FOXP2: variants seen among roughly 807,000 people sequenced by gnomAD.
The protein encoded by FOXP2 is forkhead box P2, also known as forkhead box protein P2.
In FOXP2, 12 loss-of-function variants were observed where a neutral mutation model predicts 115.8. The observed-to-expected ratio is 0.10, with a 90% confidence interval of 0.07 to 0.17. FOXP2 has a LOEUF of 0.17. Among genes scored for constraint, FOXP2 ranks in the 10% least tolerant of loss-of-function variants. FOXP2 has a pLI of 1.00. For synonymous variants in FOXP2, 328 were observed against 297.7 expected (o/e 1.10, Z -1.05); for missense variants, 629 against 843.5 (o/e 0.75, Z 3.15).
At chr7:114,638,638 T>TCC (rs1805353149) in intron 6 of FOXP2, among the ~76,000 whole-genome samples, 1 of 152,100 alleles carries the variant, frequency 6.6e-6, no homozygotes, top group South Asian at 2.1e-4. Context: ...TTTAAAAATG[T>TCC]CCCCCCAAAA....
At chr7:114,403,342 A>ATTG (rs143812510) in intron 2 of FOXP2, among the ~76,000 whole-genome samples, 2,018 of 152,316 alleles carry the variant, frequency 0.013, 42 homozygotes, top group African/African-American at 0.046. Context: ...GTATGTCAGA[A>ATTG]TTGATATGAG....
chr7:114,586,670 C>A (rs1436783476), intron 3 of FOXP2, among the ~76,000 whole-genome samples: 3 of 151,898 alleles, frequency 2.0e-5, no homozygotes, highest in Non-Finnish European at 2.9e-5. Context: ...TAAGTTATTT[C>A]TGTTTCTTTA....
At chr7:114,380,650 C>T (rs1269628090) in intron 2 of FOXP2, among the ~76,000 whole-genome samples, 4 of 152,188 alleles carry the variant, frequency 2.6e-5, no homozygotes, top group East Asian at 1.9e-4. Flanking sequence ...AGCACTGGCC[C>T]TTCAAGTAAT....
intron 3 of FOXP2, among the ~76,000 whole-genome samples, chr7:114,579,265 G>A (rs2129300408): frequency 6.6e-6 from 1 of 152,268 alleles, no homozygotes; most frequent in East Asian, 1.9e-4. Flanking sequence ...AATGTATAAA[G>A]CCCAGGTTAG....
At chr7:114,147,317 C>T (rs550774037) in intron 1 of FOXP2, among the ~76,000 whole-genome samples, 20 of 152,168 alleles carry the variant, frequency 1.3e-4, no homozygotes, top group African/African-American at 4.6e-4. Context: ...ATTTGGCTGT[C>T]CCCAGAATTT....
At chr7:114,351,327 C>A (rs2129185844) in intron 2 of FOXP2, among the ~76,000 whole-genome samples, 1 of 152,068 alleles carries the variant, frequency 6.6e-6, no homozygotes, top group East Asian at 1.9e-4. Context: ...CATTGTTATA[C>A]CAACTGAAGA....
chr7:114,557,128 C>A (rs1295334180), intron 3 of FOXP2, among the ~76,000 whole-genome samples: 1 of 152,094 alleles, frequency 6.6e-6, no homozygotes, highest in East Asian at 1.9e-4. Flanking sequence ...TGGGCTCAAA[C>A]CCTGTTTTCA....
At chr7:114,219,080 G>T (rs540063542) in intron 1 of FOXP2, among the ~76,000 whole-genome samples, 1 of 152,010 alleles carries the variant, frequency 6.6e-6, no homozygotes, top group East Asian at 1.9e-4. Flanking sequence ...CCAAACAACT[G>T]AAGTCTCAAT....
intron 2 of FOXP2, among the ~76,000 whole-genome samples, chr7:114,344,577 T>C (rs1012879380): frequency 6.6e-6 from 1 of 151,852 alleles, no homozygotes; most frequent in African/African-American, 2.4e-5. Flanking sequence ...ACATAAAGAT[T>C]TTATGGATAA....
At chr7:114,497,076 A>G (rs1797354170) in intron 2 of FOXP2, among the ~76,000 whole-genome samples, 1 of 152,198 alleles carries the variant, frequency 6.6e-6, no homozygotes, top group South Asian at 2.1e-4. Flanking sequence ...TGGCTTACTC[A>G]GTCTATGAGT....
At chr7:114,617,715 C>T (rs1804026292) in intron 3 of FOXP2, among the ~76,000 whole-genome samples, 1 of 152,202 alleles carries the variant, frequency 6.6e-6, no homozygotes, top group African/African-American at 2.4e-5. Context: ...ATTGCTTGAA[C>T]CTGGGAGGTG....
intron 2 of FOXP2, among the ~76,000 whole-genome samples, chr7:114,442,925 TGTGA>T (rs1297719054): frequency 2.6e-5 from 4 of 152,172 alleles, no homozygotes; most frequent in African/African-American, 9.7e-5. Flanking sequence ...TGGCAATCTA[TGTGA>T]GTGAGTTAAA....
At chr7:114,458,334 T>G (rs535654275) in intron 2 of FOXP2, among the ~76,000 whole-genome samples, 1 of 152,150 alleles carries the variant, frequency 6.6e-6, no homozygotes, top group Non-Finnish European at 1.5e-5. Flanking sequence ...ATTTGCATAA[T>G]CTTGTGTATT....
chr7:114,245,033 A>T (rs1405522002), intron 1 of FOXP2, among the ~76,000 whole-genome samples: 2 of 152,176 alleles, frequency 1.3e-5, no homozygotes, highest in Non-Finnish European at 2.9e-5. Flanking sequence ...AAGTGCTGGG[A>T]CCACAAGCGC....
intron 2 of FOXP2, among the ~76,000 whole-genome samples, chr7:114,473,502 G>A (rs537794583): frequency 6.6e-6 from 1 of 152,268 alleles, no homozygotes; most frequent in African/African-American, 2.4e-5. Flanking sequence ...CAAAGATCTA[G>A]TTTTGAGTTT....
chr7:114,639,503 G>T (rs560368122), intron 6 of FOXP2, among the ~76,000 whole-genome samples: 1 of 151,300 alleles, frequency 6.6e-6, no homozygotes, highest in Non-Finnish European at 1.5e-5. Context: ...TAGGTTAAAT[G>T]GTTTCAGAAA....
chr7:114,241,914 C>T (rs1317141588), intron 1 of FOXP2, among the ~76,000 whole-genome samples: 1 of 151,188 alleles, frequency 6.6e-6, no homozygotes, highest in Non-Finnish European at 1.5e-5. Flanking sequence ...CATGCCCATC[C>T]TTGAAATCTT....
At chr7:114,409,727 T>G (rs2129198394), upstream of FOXP2, among the ~76,000 whole-genome samples, 1 of 152,296 alleles carries the variant, frequency 6.6e-6, no homozygotes, top group South Asian at 2.1e-4. Context: ...CAATTGATTT[T>G]GGCTTTTCTC....
chr7:114,219,384 A>G (rs773150252), intron 1 of FOXP2, among the ~76,000 whole-genome samples: 9 of 152,118 alleles, frequency 5.9e-5, no homozygotes, highest in Admixed American at 1.3e-4. Flanking sequence ...TTAATATATG[A>G]TCTTTACCTT....
Sources: gnomAD v4.1 joint callset for allele counts (sites outside exome capture counted in the v4.1 genomes callset) on GRCh38, gnomAD v4.1.1 for gene constraint, MANE v1.5 for transcripts, NCBI Gene and HGNC (gene_info 2026-07-23, HGNC 2026-07-21) for gene names.